Variants in TNKS observed in about 807,000 individuals in gnomAD.
TNKS encodes the protein tankyrase.
In TNKS, 72 loss-of-function variants were observed where a neutral mutation model predicts 135.8. The observed-to-expected ratio is 0.53, with a 90% confidence interval of 0.44 to 0.64. The LOEUF is 0.64. Among genes scored for constraint, TNKS ranks in the 30% least tolerant of loss-of-function variants. The pLI is 0.00. For synonymous variants in TNKS, 849 were observed against 649.3 expected (o/e 1.31, Z -4.68); for missense variants, 1,769 against 1,674.0 (o/e 1.06, Z -0.99).
chr8:9,669,280 C>T (rs1198682831), intron 3 of TNKS, among the ~76,000 whole-genome samples: 2 of 151,076 alleles, frequency 1.3e-5, no homozygotes, highest in Non-Finnish European at 3.0e-5. Context: ...TAGCCGGGCG[C>T]GGTGGCGGGC....
intron 5 of TNKS, among the ~76,000 whole-genome samples, chr8:9,696,919 A>T (rs1040628239): frequency 2.0e-5 from 3 of 152,198 alleles, no homozygotes; most frequent in African/African-American, 7.2e-5. Flanking sequence ...TCCAACAATC[A>T]ACATCATTCT....
intron 26 of TNKS, among the ~76,000 whole-genome samples, chr8:9,776,280 A>G (rs956820910): frequency 3.9e-5 from 6 of 152,164 alleles, no homozygotes; most frequent in African/African-American, 1.4e-4. Flanking sequence ...TTTTTCTTTC[A>G]TTTAGCAAAC....
chr8:9,605,267 G>T (rs1023321639), intron 2 of TNKS, among the ~76,000 whole-genome samples: 2 of 151,998 alleles, frequency 1.3e-5, no homozygotes, highest in Admixed American at 6.6e-5. Flanking sequence ...GTTCTTGTGT[G>T]TCTGGCTTCT....
intron 13 of TNKS, among the ~76,000 whole-genome samples, chr8:9,727,339 G>A (rs12679956): frequency 0.57 from 87,128 of 152,002 alleles, 25,421 homozygotes; most frequent in Middle Eastern, 0.69. Context: ...TACTAAGTAT[G>A]CTTTTTTAAA....
In TNKS at chr8:9,684,977, C is replaced by T. The variant is rs535976064; in HGVS notation, c.1107+4177C>T. ...TTTTTCCTGGCCCTTTTAGTTTTAA[C>T]GCTTTAGTATTTAGTATACCCTTCT... is the stretch of plus-strand genomic sequence containing the variant. On this transcript the variant is annotated intron_variant, in intron 5 of 26. Coordinates refer to ENST00000310430, the MANE Select transcript of TNKS (RefSeq NM_003747.3). Among the ~76,000 whole-genome samples the T allele has an allele frequency of 2.4e-4, 36 of 152,146 alleles. No homozygotes were observed. The South Asian group carries it at 5.8e-3, about 24-fold the overall frequency.
At chr8:9,645,936 A>G (rs1389258393) in intron 3 of TNKS, among the ~76,000 whole-genome samples, 1 of 152,158 alleles carries the variant, frequency 6.6e-6, no homozygotes, top group Non-Finnish European at 1.5e-5. Flanking sequence ...AAAATAAAAT[A>G]ACTGTGTTCC....
chr8:9,614,762 T>C (rs1349548975), intron 2 of TNKS, among the ~76,000 whole-genome samples: 3 of 152,174 alleles, frequency 2.0e-5, no homozygotes, highest in African/African-American at 7.2e-5. Context: ...CCTCCTCTCC[T>C]GCCCTCTCCA....
chr8:9,766,470 C>T (rs757323547), intron 25 of TNKS, 45 bp downstream of exon 25: 8 of 1,274,048 alleles, frequency 6.3e-6, no homozygotes, highest in Admixed American at 5.3e-5. Context: ...CCCTAGGTCA[C>T]GAACCAAATT....
At chr8:9,763,100 G>C in intron 21 of TNKS, 47 bp from the exon 22 acceptor site, 1 of 685,800 alleles carries the variant, frequency 1.5e-6, no homozygotes, top group Non-Finnish European at 2.4e-6. Flanking sequence ...AATAGAGCCT[G>C]AGTAGTGTAG....
At chr8:9,613,442 G>A (rs1367846062) in intron 2 of TNKS, among the ~76,000 whole-genome samples, 1 of 152,128 alleles carries the variant, frequency 6.6e-6, no homozygotes. Context: ...GATCTAATGA[G>A]GGGTTAGATA....
chr8:9,662,140 G>T (rs1294076554), intron 3 of TNKS, among the ~76,000 whole-genome samples: 1 of 152,234 alleles, frequency 6.6e-6, no homozygotes, highest in South Asian at 2.1e-4. Context: ...CTTTTACACT[G>T]TTGGTGGGAC....
intron 3 of TNKS, among the ~76,000 whole-genome samples, chr8:9,621,494 T>C (rs1799864553): frequency 6.6e-6 from 1 of 152,042 alleles, no homozygotes; most frequent in African/African-American, 2.4e-5. Context: ...TTAGTAGAGA[T>C]GGGGTTTCAC....
intron 2 of TNKS, among the ~76,000 whole-genome samples, chr8:9,600,566 G>C (rs1798979835): frequency 6.6e-6 from 1 of 152,068 alleles, no homozygotes; most frequent in East Asian, 1.9e-4. Flanking sequence ...GTTGGTCTCG[G>C]CCTCCCAAAA....
chr8:9,659,263 C>T (rs1237541737), intron 3 of TNKS, among the ~76,000 whole-genome samples: 1 of 152,172 alleles, frequency 6.6e-6, no homozygotes, highest in Non-Finnish European at 1.5e-5. Context: ...ACTCTCCACC[C>T]CAAATCAACA....
At chr8:9,657,782 A>T (rs1202476233) in intron 3 of TNKS, among the ~76,000 whole-genome samples, 2 of 127,486 alleles carry the variant, frequency 1.6e-5, no homozygotes, top group Admixed American at 7.7e-5. Context: ...CAGGGGGCTG[A>T]CCCCCCCACC....
chr8:9,672,857 C>T (rs1167575141), intron 3 of TNKS, among the ~76,000 whole-genome samples: 4 of 151,894 alleles, frequency 2.6e-5, no homozygotes, highest in African/African-American at 2.4e-5. Context: ...TAGAGAGTTC[C>T]CTCCCTCCTT....
chr8:9,662,478 A>T (rs950213827), intron 3 of TNKS, among the ~76,000 whole-genome samples: 1 of 152,200 alleles, frequency 6.6e-6, no homozygotes, highest in Non-Finnish European at 1.5e-5. Context: ...CATCATTCTC[A>T]GCAAACTATC....
At chr8:9,653,472 C>T (rs1801219804) in intron 3 of TNKS, among the ~76,000 whole-genome samples, 1 of 151,952 alleles carries the variant, frequency 6.6e-6, no homozygotes, top group Admixed American at 6.6e-5. Flanking sequence ...TGCATTTGAT[C>T]AGCTTCTGGT....
At chr8:9,575,100 C>G in intron 1 of TNKS, 1 of 982,976 alleles carries the variant, frequency 1.0e-6, no homozygotes, top group Non-Finnish European at 1.2e-6. Flanking sequence ...TTTTTATTTT[C>G]TTTTGACACG....
Sources: gnomAD v4.1 joint callset for allele counts (sites outside exome capture counted in the v4.1 genomes callset) on GRCh38, gnomAD v4.1.1 for gene constraint, MANE v1.5 for transcripts, NCBI Gene and HGNC (gene_info 2026-07-23, HGNC 2026-07-21) for gene names.